The following ZNF608 variants were observed in gnomAD, a reference collection of about 807,000 sequenced individuals.
The protein encoded by ZNF608 is renal carcinoma antigen NY-REN-36.
A neutral mutation model predicts 109.0 loss-of-function variants in ZNF608; 12 were observed. The observed-to-expected ratio is 0.11, with a 90% CI of 0.07 to 0.18. The LOEUF (loss-of-function observed/expected upper bound fraction) is 0.18, where lower values mean the gene tolerates loss of function less well. Among genes scored for constraint, ZNF608 ranks in the 10% least tolerant of loss-of-function variants. ZNF608 has a pLI of 1.00. For synonymous variants in ZNF608, 732 were observed against 717.4 expected, an observed-to-expected ratio of 1.02 and a Z score of -0.33; for missense variants, 1,707 against 1,879.3, an observed-to-expected ratio of 0.91 and a Z score of 1.70.
At chr5:124,709,600 C>A (rs1350774096) in intron 2 of ZNF608, among the ~76,000 whole-genome samples, 1 of 152,196 alleles carries the variant, frequency 6.6e-6, no homozygotes, top group African/African-American at 2.4e-5. Flanking sequence ...ACATACTTAG[C>A]CTCAGTTGTG....
chr5:124,686,665 T>C (rs1752424856), intron 3 of ZNF608, among the ~76,000 whole-genome samples: 1 of 152,242 alleles, frequency 6.6e-6, no homozygotes, highest in Non-Finnish European at 1.5e-5. Flanking sequence ...TTGCAGGTTC[T>C]CTTTAAACAA....
At chr5:124,710,558 A>G (rs996499310) in intron 2 of ZNF608, 4 of 219,140 alleles carry the variant, frequency 1.8e-5, no homozygotes, top group African/African-American at 6.9e-5. Flanking sequence ...GACTCCCTGT[A>G]CAGGACACTA....
intron 2 of ZNF608, among the ~76,000 whole-genome samples, chr5:124,712,951 T>A (rs970334373): frequency 8.5e-5 from 13 of 152,172 alleles, no homozygotes; most frequent in African/African-American, 3.1e-4. Context: ...TGTCCCTTAA[T>A]CTTTGTATGT....
intron 1 of ZNF608, 72 bp from the exon 2 acceptor site, chr5:124,745,244 G>A (rs1172373427): frequency 2.3e-6 from 3 of 1,303,008 alleles, no homozygotes; most frequent in Admixed American, 7.2e-5. Flanking sequence ...ATTAGTATTG[G>A]GGAATCAGTA....
At chr5:124,638,071 CT>C (rs1750059946) in intron 9 of ZNF608, among the ~76,000 whole-genome samples, 165 bp from the exon 10 acceptor site, 2 of 152,300 alleles carry the variant, frequency 1.3e-5, no homozygotes, top group South Asian at 4.1e-4. Flanking sequence ...CTGCCTCAGC[CT>C]CCCGAGTAGC....
upstream of ZNF608, among the ~76,000 whole-genome samples, chr5:124,747,592 A>G (rs1269263487): frequency 6.6e-6 from 1 of 150,858 alleles, no homozygotes; most frequent in Non-Finnish European, 1.5e-5. Flanking sequence ...AAAAAAGCTG[A>G]AAGTCTCTCC....
chr5:124,661,386 A>G (rs1013061140), intron 3 of ZNF608, among the ~76,000 whole-genome samples: 3 of 151,744 alleles, frequency 2.0e-5, no homozygotes, highest in African/African-American at 7.3e-5. Context: ...CATCTTTCCA[A>G]TTCCCATCTG....
chr5:124,725,674 C>T (rs1003931267), intron 2 of ZNF608, among the ~76,000 whole-genome samples: 5 of 151,980 alleles, frequency 3.3e-5, no homozygotes, highest in African/African-American at 1.2e-4. Context: ...AAAATGAAAA[C>T]GCTCTAGTTT....
chr5:124,746,640 G>C (rs1037145612), upstream of ZNF608: 16 of 985,230 alleles, frequency 1.6e-5, no homozygotes, highest in Non-Finnish European at 1.9e-5. Context: ...CGCTAGTAAC[G>C]AGACAGAATG....
intron 5 of ZNF608, 137 bp from the exon 6 acceptor site, chr5:124,644,798 G>T: frequency 1.3e-6 from 1 of 768,062 alleles, no homozygotes; most frequent in Non-Finnish European, 2.0e-6. Context: ...TTCTGTGCTA[G>T]ACACTGTGCT....
chr5:124,675,915 G>C (rs1438813069), intron 3 of ZNF608, among the ~76,000 whole-genome samples: 1 of 152,186 alleles, frequency 6.6e-6, no homozygotes, highest in Non-Finnish European at 1.5e-5. Flanking sequence ...GAAGTAATAG[G>C]AGAGAGACTA....
At chr5:124,705,744 T>A (rs1451028423) in intron 2 of ZNF608, among the ~76,000 whole-genome samples, 3 of 152,232 alleles carry the variant, frequency 2.0e-5, no homozygotes, top group African/African-American at 7.2e-5. Context: ...GTCAACTGGC[T>A]TAACCCACCT....
rs552055534 is a variant in ZNF608, at chr5:124,682,015, G to A, written c.1162+18999C>T. On this transcript the variant is annotated intron_variant, in intron 3 of 9. Coordinates refer to ENST00000513986, the MANE Select transcript of ZNF608 (RefSeq NM_020747.3). ...GAGGGTAGACAGAAGACATTTTTAC[G>A]CGTTACATTTTTTAAGCATCTGAGC... 5.1e-4 allele frequency among the ~76,000 whole-genome samples: 77 copies of A among 152,300 alleles called. No individual in the cohort carries two copies. The South Asian group carries it at 6.0e-3, about 12-fold the overall frequency.
chr5:124,692,246 A>G (rs537149441), intron 3 of ZNF608, among the ~76,000 whole-genome samples: 1 of 152,330 alleles, frequency 6.6e-6, no homozygotes, highest in Admixed American at 6.5e-5. Flanking sequence ...AATTGTCTAG[A>G]CCAAACTTAA....
intron 2 of ZNF608, among the ~76,000 whole-genome samples, chr5:124,733,599 C>G (rs543243818): frequency 6.6e-6 from 1 of 152,062 alleles, no homozygotes; most frequent in Admixed American, 6.5e-5. Flanking sequence ...ATTAGTGAAC[C>G]CCAGGACTTG....
chr5:124,673,482 A>T (rs1011053848), intron 3 of ZNF608, among the ~76,000 whole-genome samples: 4 of 152,160 alleles, frequency 2.6e-5, no homozygotes, highest in East Asian at 3.9e-4. Flanking sequence ...ATTTCCTAGT[A>T]AAAAAAATGT....
chr5:124,666,706 GCT>G (rs1491298450), intron 3 of ZNF608, among the ~76,000 whole-genome samples: 61 of 132,618 alleles, frequency 4.6e-4, no homozygotes, highest in African/African-American at 1.6e-3. Context: ...AACTGGGTTT[GCT>G]CTGTGTGTGT....
chr5:124,657,214 A>G (rs1751049351), intron 3 of ZNF608, among the ~76,000 whole-genome samples: 1 of 152,210 alleles, frequency 6.6e-6, no homozygotes, highest in African/African-American at 2.4e-5. Context: ...TTTATAAGGC[A>G]CCACCGGTAA....
rs778126883 is a variant in ZNF608, at chr5:124,701,240, T to A, written c.936A>T (p.Pro312=). Reference sequence around the variant, plus strand: ...TGAGACTGCTGGAAATCGGCGGTGGTGGCGCTGGCACTGTAAACAGGGGGT... The same window carrying A: ...TGAGACTGCTGGAAATCGGCGGTGGAGGCGCTGGCACTGTAAACAGGGGGT... ...KVDPLFTVPA[P]PPPISSSLTP... is the part of the protein sequence containing the mutation. The change falls in exon 3 of 10, where the codon CCA becomes CCT. Residue 312 remains proline (P), a synonymous_variant. Transcript: ENST00000513986. 6.2e-7 allele frequency: 1 copy of A among 1,614,064 alleles called. No homozygotes were observed. Among genetic ancestry groups the A allele is most frequent in the East Asian group, 2.2e-5 (1 of 44,882 alleles).
Sources: gnomAD v4.1 joint callset for allele counts (sites outside exome capture counted in the v4.1 genomes callset) on GRCh38, gnomAD v4.1.1 for gene constraint, MANE v1.5 for transcripts, NCBI Gene and HGNC (gene_info 2026-07-23, HGNC 2026-07-21) for gene names.